Variants in ABLIM3 observed in about 807,000 individuals in gnomAD.
The protein encoded by ABLIM3 is actin-binding LIM protein 3.
ABLIM3 carries 61 observed loss-of-function variants against 109.5 expected under a neutral mutation model. The ratio of observed to expected loss-of-function variants is 0.56; its 90% CI spans 0.45 to 0.69. The LOEUF (loss-of-function observed/expected upper bound fraction) is 0.69. Ranked by LOEUF, ABLIM3 falls within the 30% of genes least tolerant of loss-of-function variation. The pLI is 0.00. For synonymous variants in ABLIM3, 300 were observed against 324.8 expected, an observed-to-expected ratio of 0.92 and a Z score of 0.82; for missense variants, 796 against 889.5, an observed-to-expected ratio of 0.89 and a Z score of 1.34.
chr5:149,230,589 T>C, intron 8 of ABLIM3, 60 bp from the exon 9 acceptor site: 3 of 1,563,636 alleles, frequency 1.9e-6, no homozygotes, highest in South Asian at 2.2e-5. Context: ...AGGTGGGACA[T>C]GGGGAGAGTG....
chr5:149,200,810 C>T (rs971475436), intron 5 of ABLIM3, among the ~76,000 whole-genome samples: 1 of 152,184 alleles, frequency 6.6e-6, no homozygotes, highest in Non-Finnish European at 1.5e-5. Flanking sequence ...ACATGGCTTA[C>T]AGAAGAGGTA....
In ABLIM3 at chr5:149,257,299, C is replaced by CAAA. The variant is rs11458045; in HGVS notation, c.1939-979_1939-977dup. 5.9e-5 allele frequency among the ~76,000 whole-genome samples: 8 copies of CAAA among 136,298 alleles called. No homozygotes were observed. In the Admixed American group the frequency reaches 5.9e-4, roughly 10 times the overall value. 89.4% of individuals were successfully genotyped at this position (136,298 alleles called of 152,430 possible). A position where few individuals can be genotyped will look rare whatever the true frequency, so the allele number is the denominator to read the frequency against. On this transcript the variant is annotated intron_variant, in intron 23 of 23. Transcript: ENST00000309868. ...TGGGTGACAAAGCAAAACTCTGTCT[C>CAAA]AAAAAAAAAAAAAAATAGTTCACAG...
chr5:149,206,618 G>A (rs1041125907), intron 5 of ABLIM3, among the ~76,000 whole-genome samples: 1 of 152,168 alleles, frequency 6.6e-6, no homozygotes, highest in Admixed American at 6.5e-5. Flanking sequence ...AATTCAAGAG[G>A]TCTGGGTGGG....
chr5:149,200,427 C>G lies in ABLIM3; in HGVS notation c.447C>G (p.Ser149Arg), dbSNP rs1180946537. Residue 149 changes from serine to arginine, a missense_variant and splice_region_variant, in exon 5 of 24, where the codon AGC becomes AGG. Coordinates refer to ENST00000309868, the MANE Select transcript of ABLIM3 (RefSeq NM_014945.5). The part of the protein sequence containing the change: ...SSKPIKIRGP[S>R]HCAGCKEEIK... The stretch of plus-strand genomic sequence containing the variant: ...AGCCCATCAAGATTCGTGGACCAAG[C>G]CGTGAGTCCTCCCCACGGGTATCTC... 1.9e-6 allele frequency: 3 copies of G among 1,613,900 alleles called. No individual in the cohort carries two copies. Among genetic ancestry groups the G allele is most frequent in the Non-Finnish European group, 2.5e-6 (3 of 1,179,764 alleles).
intron 18 of ABLIM3, 122 bp downstream of exon 18, chr5:149,248,051 C>A: frequency 7.9e-7 from 1 of 1,266,706 alleles, no homozygotes; most frequent in Non-Finnish European, 1.1e-6. Flanking sequence ...CCTCTCTCTT[C>A]TTCCTCACAG....
chr5:149,197,083 TG>T (rs1758050590), intron 3 of ABLIM3, among the ~76,000 whole-genome samples: 1 of 152,208 alleles, frequency 6.6e-6, no homozygotes, highest in Admixed American at 6.5e-5. Flanking sequence ...CTCCCATTTT[TG>T]TATATGTTTG....
At chr5:149,207,313 GT>G (rs1217342448) in intron 6 of ABLIM3, among the ~76,000 whole-genome samples, 179 bp downstream of exon 6, 2 of 151,956 alleles carry the variant, frequency 1.3e-5, no homozygotes, top group African/African-American at 4.8e-5. Context: ...TCCCGGGGGG[GT>G]TTCCCTCTGC....
intron 3 of ABLIM3, among the ~76,000 whole-genome samples, chr5:149,190,130 A>G (rs531415094): frequency 1.8e-4 from 28 of 152,344 alleles, no homozygotes; most frequent in African/African-American, 6.5e-4. Flanking sequence ...GCAGGATTTC[A>G]TATGTATGAA....
rs576689255 is a variant in ABLIM3 at position 149,150,984 on chromosome 5, G to A, written c.13+8876G>A. Among the ~76,000 whole-genome samples the A allele has an allele frequency of 4.9e-4, 74 of 152,298 alleles. No homozygotes were observed. In the South Asian group the frequency reaches 6.2e-3, roughly 13 times the overall value. Reference sequence around the variant, plus strand: ...TGTGAATTCCTTAAAACAGTGCATGGCACATAACAAAGGTTTCTGAAATAA... The same window carrying A: ...TGTGAATTCCTTAAAACAGTGCATGACACATAACAAAGGTTTCTGAAATAA... On this transcript the variant is annotated intron_variant, in intron 2 of 23. Coordinates refer to ENST00000309868, the MANE Select transcript of ABLIM3 (RefSeq NM_014945.5).
At chr5:149,255,123 A>G (rs2127577368) in intron 23 of ABLIM3, among the ~76,000 whole-genome samples, 1 of 152,364 alleles carries the variant, frequency 6.6e-6, no homozygotes, top group East Asian at 1.9e-4. Context: ...CAAGGCTGTC[A>G]TTTGGCTAAA....
At chr5:149,195,899 G>T (rs1328183781) in intron 3 of ABLIM3, among the ~76,000 whole-genome samples, 1 of 152,220 alleles carries the variant, frequency 6.6e-6, no homozygotes, top group East Asian at 1.9e-4. Flanking sequence ...CACAAGCAAT[G>T]CTCCACACTG....
chr5:149,193,904 A>G (rs536267408), intron 3 of ABLIM3, among the ~76,000 whole-genome samples: 1 of 152,316 alleles, frequency 6.6e-6, no homozygotes, highest in Non-Finnish European at 1.5e-5. Flanking sequence ...TCAGATCCCT[A>G]CTGTATATCA....
intron 2 of ABLIM3, among the ~76,000 whole-genome samples, chr5:149,160,350 T>G (rs1337913783): frequency 6.6e-6 from 1 of 151,170 alleles, no homozygotes; most frequent in African/African-American, 2.4e-5. Context: ...TCACAGCTAC[T>G]CAAGAGGCTG....
At chr5:149,241,090 G>A (rs1447429502) in intron 14 of ABLIM3, among the ~76,000 whole-genome samples, 1 of 152,230 alleles carries the variant, frequency 6.6e-6, no homozygotes, top group Non-Finnish European at 1.5e-5. Context: ...AGCGGTGAAG[G>A]CTACACACTT....
At chr5:149,181,071 C>T (rs764785772) in intron 2 of ABLIM3, among the ~76,000 whole-genome samples, 1 of 152,176 alleles carries the variant, frequency 6.6e-6, no homozygotes, top group Non-Finnish European at 1.5e-5. Flanking sequence ...GAGCACTCAG[C>T]GTTAATGATG....
chr5:149,168,086 C>G (rs1028980902), intron 2 of ABLIM3, among the ~76,000 whole-genome samples: 1 of 152,138 alleles, frequency 6.6e-6, no homozygotes, highest in Non-Finnish European at 1.5e-5. Flanking sequence ...TTGTGACAAC[C>G]AAAAATGTCT....
chr5:149,216,613 C>T (rs2127525143), intron 7 of ABLIM3: 1 of 242,482 alleles, frequency 4.1e-6, no homozygotes, highest in African/African-American at 2.2e-5. Context: ...GTAAGGGCCT[C>T]TCACTTGGGG....
At chr5:149,141,765 A>G in intron 1 of ABLIM3, 111 bp downstream of exon 1, 1 of 377,188 alleles carries the variant, frequency 2.7e-6, no homozygotes, top group South Asian at 3.7e-5. Context: ...GCTGGGCAGG[A>G]ATAGTCCGGG....
At chr5:149,242,716 A>G in intron 15 of ABLIM3, 178 bp downstream of exon 15, 1 of 677,418 alleles carries the variant, frequency 1.5e-6, no homozygotes, top group Non-Finnish European at 2.6e-6. Flanking sequence ...GTATCATTTC[A>G]AAAGAACAAA....
Sources: gnomAD v4.1 joint callset for allele counts (sites outside exome capture counted in the v4.1 genomes callset) on GRCh38, gnomAD v4.1.1 for gene constraint, MANE v1.5 for transcripts, NCBI Gene and HGNC (gene_info 2026-07-23, HGNC 2026-07-21) for gene names.